The following ECE1 variants were observed in gnomAD, a reference collection of about 807,000 sequenced individuals.
ECE1 encodes the protein endothelin-converting enzyme 1.
ECE1 carries 35 observed loss-of-function variants against 98.6 expected under a neutral mutation model. The ratio of observed to expected loss-of-function variants is 0.35; its 90% CI spans 0.27 to 0.47. ECE1 has a LOEUF of 0.47. ECE1 is among the 20% of genes least tolerant of loss of function. The pLI, the probability that ECE1 is intolerant of heterozygous loss-of-function variation, is 1.00. For synonymous variants in ECE1, 394 were observed against 407.1 expected (o/e 0.97, Z 0.39); for missense variants, 814 against 1,025.3 (o/e 0.79, Z 2.81).
At chr1:21,288,567 G>C (rs28367921) in intron 2 of ECE1, among the ~76,000 whole-genome samples, 2,979 of 152,312 alleles carry the variant, frequency 0.02, 108 homozygotes, top group African/African-American at 0.067. Flanking sequence ...CTGCTGTGAG[G>C]ATAACAGCAA....
intron 1 of ECE1, among the ~76,000 whole-genome samples, chr1:21,335,715 GC>G (rs1267248531): frequency 2.0e-5 from 3 of 152,216 alleles, no homozygotes; most frequent in Non-Finnish European, 4.4e-5. Flanking sequence ...CAAGCTACAG[GC>G]CAGCTGAGCT....
intron 14 of ECE1, among the ~76,000 whole-genome samples, chr1:21,231,445 G>A (rs1448649051): frequency 2.6e-5 from 4 of 152,008 alleles, no homozygotes; most frequent in African/African-American, 7.2e-5. Flanking sequence ...GGGTTCAAGC[G>A]ATTCTCCTGC....
At chr1:21,309,595 A>T (rs1638671998) in intron 1 of ECE1, among the ~76,000 whole-genome samples, 1 of 152,170 alleles carries the variant, frequency 6.6e-6, no homozygotes, top group African/African-American at 2.4e-5. Context: ...TGTCCCAAGC[A>T]GGTCATGATC....
intron 14 of ECE1, among the ~76,000 whole-genome samples, chr1:21,229,484 G>A (rs549177503): frequency 6.6e-6 from 1 of 152,130 alleles, no homozygotes; most frequent in African/African-American, 2.4e-5. Context: ...TGGACATCTG[G>A]CAGACATTTT....
At chr1:21,285,890 GC>G (rs1204224721) in intron 2 of ECE1, among the ~76,000 whole-genome samples, 2 of 151,656 alleles carry the variant, frequency 1.3e-5, no homozygotes, top group African/African-American at 4.9e-5. Context: ...TACTGGGGAG[GC>G]TGAGGTGGGA....
intron 14 of ECE1, among the ~76,000 whole-genome samples, chr1:21,228,968 T>G (rs1214496285): frequency 6.6e-6 from 1 of 151,148 alleles, no homozygotes; most frequent in Admixed American, 6.6e-5. Flanking sequence ...CAGCCTCCCG[T>G]GTAGCTGGGA....
intron 1 of ECE1, among the ~76,000 whole-genome samples, chr1:21,309,855 G>A (rs1024958904): frequency 5.9e-4 from 88 of 148,626 alleles, no homozygotes; most frequent in Middle Eastern, 3.5e-3. Context: ...GTAGTGGCGC[G>A]ATCTCGGCTC....
intron 1 of ECE1, among the ~76,000 whole-genome samples, chr1:21,310,074 C>T (rs141924579): frequency 0.014 from 2,073 of 152,146 alleles, 58 homozygotes; most frequent in African/African-American, 0.047. Context: ...GGATTACAGG[C>T]GTGAGCCACT....
At chr1:21,323,715 T>A (rs1639013102) in intron 1 of ECE1, among the ~76,000 whole-genome samples, 1 of 151,628 alleles carries the variant, frequency 6.6e-6, no homozygotes, top group Admixed American at 6.6e-5. Flanking sequence ...ACAGAATAAA[T>A]AAGACAAATC....
intron 1 of ECE1, among the ~76,000 whole-genome samples, chr1:21,336,421 G>A (rs1569786917): frequency 6.6e-6 from 1 of 152,306 alleles, no homozygotes; most frequent in East Asian, 1.9e-4. Flanking sequence ...GAGGCCGGGC[G>A]TGGTGGCTCA....
chr1:21,304,416 G>T (rs1638553561), intron 1 of ECE1, among the ~76,000 whole-genome samples: 1 of 151,234 alleles, frequency 6.6e-6, no homozygotes, highest in African/African-American at 2.4e-5. Flanking sequence ...CTCTGGACAG[G>T]CCACGAGTCC....
In ECE1 at chr1:21,235,822, G is replaced by T; in HGVS notation, c.1566+28C>A. 6.2e-7 allele frequency: 1 copy of T among 1,612,172 alleles called. No individual in the cohort carries two copies. The highest frequency in any genetic ancestry group is 8.5e-7 in the Non-Finnish European group (1 of 1,178,188). ...CTTTTCTAAGGGGGCATTTAGGAAC[G>T]CAAGGGGGCAGGGCAGCAGCTACTC... is the stretch of plus-strand genomic sequence containing the variant. On this transcript the variant is annotated intron_variant, in intron 13 of 18. Coordinates refer to ENST00000374893, the MANE Select transcript of ECE1 (RefSeq NM_001397.3). This position sits in a 1 kb window ranked among gnomAD's most constrained non-coding sequence, Gnocchi z 4.2.
Position 21,238,138 on chromosome 1 carries a change from C to A in ECE1, c.1385G>T (p.Ser462Ile). 6.2e-7 allele frequency: 1 copy of A among 1,614,174 alleles called. No individual in the cohort carries two copies. Among genetic ancestry groups the A allele is most frequent in the Non-Finnish European group, 8.5e-7 (1 of 1,179,982 alleles). Reference sequence around the variant, plus strand: ...GTCCACGGGGAAGGCACTTACTATGCTCTTGCTGTCCTCGGCGAAGGTTGC... The same window carrying A: ...GTCCACGGGGAAGGCACTTACTATGATCTTGCTGTCCTCGGCGAAGGTTGC... ...VKATFAEDSK[S>I]IATEIILEIK... The change falls in exon 11 of 19, where the codon AGC becomes ATC. Residue 462 changes from serine (S) to isoleucine (I), a missense_variant. Ser to Ile is a moderately radical substitution (Grantham distance 142). Around this residue, in one of 3 missense-constraint regions of ECE1, gnomAD observed 452 missense variants for 567.3 expected, o/e 0.80. Coordinates refer to ENST00000374893, the MANE Select transcript of ECE1 (RefSeq NM_001397.3).
At chr1:21,224,749 A>T (rs1456269899) in intron 17 of ECE1, among the ~76,000 whole-genome samples, 2 of 152,104 alleles carry the variant, frequency 1.3e-5, no homozygotes, top group Non-Finnish European at 2.9e-5. Flanking sequence ...TGTCTAAATC[A>T]TCTTGTTTTA....
At chr1:21,263,481 C>G (rs1019521153) in intron 4 of ECE1, among the ~76,000 whole-genome samples, 1 of 152,092 alleles carries the variant, frequency 6.6e-6, no homozygotes, top group Non-Finnish European at 1.5e-5. Flanking sequence ...CTCAGCCTCC[C>G]GAGTAGCTGG....
At chr1:21,262,085 A>G (rs1024947847) in intron 4 of ECE1, among the ~76,000 whole-genome samples, 1 of 152,024 alleles carries the variant, frequency 6.6e-6, no homozygotes, top group Non-Finnish European at 1.5e-5. Flanking sequence ...CACTGATCAG[A>G]GCATCGAGCC....
intron 4 of ECE1, among the ~76,000 whole-genome samples, chr1:21,263,026 T>A (rs1312382518): frequency 6.6e-6 from 1 of 152,082 alleles, no homozygotes; most frequent in Non-Finnish European, 1.5e-5. Flanking sequence ...GTGAACGCTG[T>A]GAGAACATCC....
chr1:21,326,312 T>G (rs1639078212), intron 1 of ECE1, among the ~76,000 whole-genome samples: 1 of 151,786 alleles, frequency 6.6e-6, no homozygotes, highest in African/African-American at 2.4e-5. Context: ...GCCTACTGTG[T>G]GTCAAGCTGA....
At chr1:21,298,437 A>G in intron 1 of ECE1, 1 of 307,330 alleles carries the variant, frequency 3.3e-6, no homozygotes, top group East Asian at 7.7e-5. Flanking sequence ...AAGTCATTTC[A>G]CTTCAATTTT....
Sources: gnomAD v4.1 joint callset for allele counts (sites outside exome capture counted in the v4.1 genomes callset) on GRCh38, gnomAD v4.1.1 for gene constraint, gnomAD v4.1.1 regional missense constraint, Gnocchi (gnomAD v3.1) non-coding constraint, MANE v1.5 for transcripts, NCBI Gene and HGNC (gene_info 2026-07-23, HGNC 2026-07-21) for gene names.